SENP3: variants seen among roughly 807,000 people sequenced by gnomAD.
SENP3 encodes the protein sentrin-specific protease 3.
In SENP3, 11 loss-of-function variants were observed where a neutral mutation model predicts 66.2. That is an observed-to-expected ratio of 0.17 (90% CI 0.10 to 0.28). The LOEUF is 0.28. Among genes scored for constraint, SENP3 ranks in the 10% least tolerant of loss-of-function variants. SENP3 has a pLI of 1.00. For synonymous variants in SENP3, 292 were observed against 277.6 expected, an observed-to-expected ratio of 1.05 and a Z score of -0.52; for missense variants, 548 against 743.7, an observed-to-expected ratio of 0.74 and a Z score of 3.06.
Position 7,563,261 on chromosome 17 carries a change from G to T in SENP3, c.185G>T (p.Arg62Leu). Residue 62 changes from arginine to leucine, a missense_variant, in exon 2 of 11, where the codon CGC (arginine) becomes CTC (leucine). Around this residue, in one of 6 missense-constraint regions of SENP3, gnomAD observed 164 missense variants for 167.9 expected, o/e 0.98. Coordinates refer to ENST00000321337, the MANE Select transcript of SENP3 (RefSeq NM_015670.6). ...TCAGGGACCACAGTGCCAGCCAGAC[G>T]CCTCCCTGTCCCCCGACCCTCTTTT... ...PGSGTTVPARRLPVPRPSFDA... is the reference protein window; with the variant it reads ...PGSGTTVPARLLPVPRPSFDA... 2 of 1,556,070 alleles carry T rather than the reference G, an allele frequency of 1.3e-6. No homozygotes were observed. Among genetic ancestry groups the T allele is most frequent in the Non-Finnish European group, 1.7e-6 (2 of 1,149,586 alleles).
chr17:7,570,243 T>TTCTGTTCTTTCACTTGGTTCC lies in SENP3; in HGVS notation c.1342-112_1342-92dup. ...TTGCCCACAATCTAGGCCTTGGGTC[T>TTCTGTTCTTTCACTTGGTTCC]TCTGTTCTTTCACTTGGTTCCCTTA... On this transcript the variant is annotated intron_variant, in intron 7 of 10. Coordinates refer to ENST00000321337, the MANE Select transcript of SENP3 (RefSeq NM_015670.6). The surrounding 1 kb of genome is among the most constrained non-coding windows in gnomAD (Gnocchi z 5.4). 7.4e-7 allele frequency: 1 copy of TTCTGTTCTTTCACTTGGTTCC among 1,343,990 alleles called. No individual in the cohort carries two copies. 83.3% of individuals were successfully genotyped at this position (1,343,990 alleles called of 1,614,324 possible).
Position 7,571,914 on chromosome 17 carries a change from TATATAA to T in SENP3, c.*434_*439del, listed in dbSNP as rs2071328904. ...ATATATATATATATATATATAAAAA[TATATAA>T]ATGCCACGGTCCTGCTCTGGTCAAT... On this transcript the variant is annotated 3_prime_UTR_variant, in exon 11 of 11. Transcript: ENST00000321337. 8.4e-5 allele frequency: 3 copies of T among 35,508 alleles called. No homozygotes were observed. The highest frequency in any genetic ancestry group is 3.2e-4 in the Admixed American group (1 of 3,114). 2.2% of individuals were successfully genotyped at this position (35,508 alleles called of 1,614,324 possible). A position where few individuals can be genotyped will look rare whatever the true frequency, so the allele number is the denominator to read the frequency against.
Position 7,562,132 on chromosome 17 carries a change from C to T in SENP3, c.-143C>T. ...CACGCGGCCCAGAAGCGTTGGAATC[C>T]TGAATTGAGACGGCTGCGCCTAAAG... On this transcript the variant is annotated 5_prime_UTR_variant, in exon 1 of 11. Transcript: ENST00000321337. This position sits in a 1 kb window ranked among gnomAD's most constrained non-coding sequence, Gnocchi z 5.0. The T allele has an allele frequency of 2.5e-6, 1 of 398,390 alleles. No homozygotes were observed. Among genetic ancestry groups the T allele is most frequent in the Non-Finnish European group, 4.4e-6 (1 of 225,974 alleles). 24.7% of individuals were successfully genotyped at this position (398,390 alleles called of 1,614,324 possible).
Position 7,563,046 on chromosome 17 carries a change from C to G in SENP3, c.-11-20C>G, listed in dbSNP as rs757757365. The G allele has an allele frequency of 1.1e-4, 159 of 1,444,798 alleles. No homozygotes were observed. Among genetic ancestry groups the G allele is most frequent in the South Asian group, 1.1e-3 (67 of 62,232 alleles). 89.5% of individuals were successfully genotyped at this position (1,444,798 alleles called of 1,614,324 possible). On this transcript the variant is annotated intron_variant, in intron 1 of 10. Transcript: ENST00000321337. ...TGGGGTGATGCTTAGATTTTGATAC[C>G]CTGATCTTTTGTTTTTCAGGGTACT... is the stretch of plus-strand genomic sequence containing the variant.
Position 7,562,227 on chromosome 17 carries a change from C to A in SENP3, c.-48C>A. ...CGGGAAGCTTGAGGCCGGAGACGCC[C>A]GCCTTCGGGCCCGTCCGCCCGGCTT... On this transcript the variant is annotated 5_prime_UTR_variant, in exon 1 of 11. Coordinates refer to ENST00000321337, the MANE Select transcript of SENP3 (RefSeq NM_015670.6). This position sits in a 1 kb window ranked among gnomAD's most constrained non-coding sequence, Gnocchi z 5.0. The A allele has an allele frequency of 5.0e-6, 2 of 398,608 alleles. No homozygotes were observed. The highest frequency in any genetic ancestry group is 1.3e-4 in the South Asian group (1 of 7,960). 24.7% of individuals were successfully genotyped at this position (398,608 alleles called of 1,614,324 possible). A position where few individuals can be genotyped will look rare whatever the true frequency, so the allele number is the denominator to read the frequency against.
rs1307575669 is a variant in SENP3 at position 7,570,223 on chromosome 17, C to T, written c.1342-133C>T. ...GAAACATGCAGATCCTGAGCTTGCC[C>T]ACAATCTAGGCCTTGGGTCTTCTGT... On this transcript the variant is annotated intron_variant, in intron 7 of 10. Transcript: ENST00000321337. The surrounding 1 kb of genome is among the most constrained non-coding windows in gnomAD (Gnocchi z 5.4). The T allele has an allele frequency of 2.6e-6, 3 of 1,143,288 alleles. No individual in the cohort carries two copies. Among genetic ancestry groups the T allele is most frequent in the Non-Finnish European group, 3.7e-6 (3 of 802,778 alleles). The allele number at this position is 1,143,288 out of a possible 1,614,324, so 70.8% of individuals were successfully genotyped here. A position where few individuals can be genotyped will look rare whatever the true frequency, so the allele number is the denominator to read the frequency against.
chr17:7,568,083 G>A (rs1334760689), intron 7 of SENP3, among the ~76,000 whole-genome samples: 2 of 150,824 alleles, frequency 1.3e-5, no homozygotes, highest in East Asian at 3.9e-4. Context: ...CCAGGCTCCT[G>A]GCATTCAACT....
rs771349259 is a variant in SENP3 at position 7,563,695 on chromosome 17, G to A, written c.619G>A (p.Asp207Asn). ...TCTGCTAGGTGCTCTCATGGCTGAG[G>A]ATGGGGTGAGAGGGTCTCCACCAGT... ...LGLLGALMAE[D>N]GVRGSPPVPS... Residue 207 changes from aspartate to asparagine, a missense_variant, in exon 2 of 11, where the codon GAT (aspartate) becomes AAT (asparagine). Coordinates refer to ENST00000321337, the MANE Select transcript of SENP3 (RefSeq NM_015670.6). 3 of 1,612,922 alleles carry A rather than the reference G, an allele frequency of 1.9e-6. No homozygotes were observed. The highest frequency in any genetic ancestry group is 2.7e-5 in the African/African-American group (2 of 74,920).
chr17:7,571,071 C>CTGG, intron 10 of SENP3, 138 bp downstream of exon 10: 1 of 745,568 alleles, frequency 1.3e-6, no homozygotes. Flanking sequence ...CACCAAAACA[C>CTGG]TGGCTTCACT....
intron 7 of SENP3, among the ~76,000 whole-genome samples, chr17:7,567,923 G>C (rs2071280578): frequency 1.3e-5 from 2 of 152,184 alleles, no homozygotes; most frequent in East Asian, 3.9e-4. Context: ...ATGGAAGCAG[G>C]AACAGAGCAC....
intron 7 of SENP3, among the ~76,000 whole-genome samples, chr17:7,569,510 G>T (rs1045018992): frequency 1.3e-5 from 2 of 152,098 alleles, no homozygotes; most frequent in Admixed American, 6.5e-5. Flanking sequence ...GAACAGGTTG[G>T]GGGAGGAAAA....
At chr17:7,569,938 G>A (rs1465920323) in intron 7 of SENP3, among the ~76,000 whole-genome samples, 1 of 152,136 alleles carries the variant, frequency 6.6e-6, no homozygotes, top group East Asian at 1.9e-4. Context: ...ATGAGGTGTA[G>A]GTACTACTAT....
At position 7,564,997 on chromosome 17, in the gene SENP3, A is replaced by G. The variant is rs751317153; in HGVS notation, c.994A>G (p.Ile332Val). ...ATTCCTTCAAACGTATGGCAGCCTC[A>G]TACCCCTCAGCACTGATGAGGTAGT... ...DEFLQTYGSL[I>V]PLSTDEVVEK... The change falls in exon 4 of 11, where the codon ATA (isoleucine) becomes GTA (valine). Residue 332 changes from isoleucine to valine, a missense_variant. This residue lies in a region of SENP3 where 72 missense variants were observed against 137.9 expected (regional missense o/e 0.52). Transcript: ENST00000321337. 4 of 1,613,358 alleles carry G rather than the reference A, an allele frequency of 2.5e-6. No individual in the cohort carries two copies. The highest frequency in any genetic ancestry group is 3.3e-5 in the Admixed American group (2 of 60,016).
In SENP3 at chr17:7,563,055, T is replaced by C; in HGVS notation, c.-11-11T>C. ...GCTTAGATTTTGATACCCTGATCTT[T>C]TGTTTTTCAGGGTACTGGAAGATGA... On this transcript the variant is annotated splice_polypyrimidine_tract_variant and intron_variant, in intron 1 of 10. Coordinates refer to ENST00000321337, the MANE Select transcript of SENP3 (RefSeq NM_015670.6). The C allele has an allele frequency of 6.9e-7, 1 of 1,455,398 alleles. No homozygotes were observed. Among genetic ancestry groups the C allele is most frequent in the Non-Finnish European group, 9.1e-7 (1 of 1,104,688 alleles). 90.2% of individuals were successfully genotyped at this position (1,455,398 alleles called of 1,614,324 possible).
Position 7,563,316 on chromosome 17 carries a change from A to AGAGGAGGAG in SENP3, c.249_257dup (p.Glu83_Glu85dup). The AGAGGAGGAG allele has an allele frequency of 6.4e-7, 1 of 1,552,704 alleles. No homozygotes were observed. The highest frequency in any genetic ancestry group is 1.7e-4 in the Middle Eastern group (1 of 5,998). ...CCTCAGCAAGTGAAGAGGAGGAAGA[A>AGAGGAGGAG]GAGGAGGAGGAGGAGGATGAAGATG... On this transcript the variant is annotated inframe_insertion, in exon 2 of 11. Transcript: ENST00000321337.
chr17:7,565,549 T>C lies in SENP3; in HGVS notation c.1177T>C (p.Leu393=), dbSNP rs2071260936. The C allele has an allele frequency of 1.2e-6, 2 of 1,613,794 alleles. No individual in the cohort carries two copies. The highest frequency in any genetic ancestry group is 1.7e-6 in the Non-Finnish European group (2 of 1,179,870). Residue 393 remains leucine, a synonymous_variant, in exon 5 of 11, where the codon TTG becomes CTG. Transcript: ENST00000321337. ...GCGGCACGTGCTGACCATGGATGAC[T>C]TGGGGACCTTGTATGGACAGAACTG... ...YKRHVLTMDD[L]GTLYGQNWLN... is the part of the protein sequence containing the mutation.
rs2071216977 is a variant in SENP3 at position 7,561,944 on chromosome 17, C to T, written c.-331C>T. 3 of 391,092 alleles carry T rather than the reference C, an allele frequency of 7.7e-6. No homozygotes were observed. The highest frequency in any genetic ancestry group is 1.4e-5 in the Non-Finnish European group (3 of 220,784). The allele number at this position is 391,092 out of a possible 1,614,324, so 24.2% of individuals were successfully genotyped here. A position where few individuals can be genotyped will look rare whatever the true frequency, so the allele number is the denominator to read the frequency against. ...GTGACGTACTAATCGTGCGCCACCG[C>T]TGCCGGTGGGCCCGGGGCTCGCGGG... On this transcript the variant is annotated 5_prime_UTR_variant, in exon 1 of 11. Transcript: ENST00000321337. This position sits in a 1 kb window ranked among gnomAD's most constrained non-coding sequence, Gnocchi z 4.4.
intron 6 of SENP3, 72 bp downstream of exon 6, chr17:7,565,836 A>C: frequency 7.5e-7 from 1 of 1,332,910 alleles, no homozygotes. Context: ...AGCTCCTTTC[A>C]TCTCTTTCAT....
At position 7,562,374 on chromosome 17, in the gene SENP3, C is replaced by T. The variant is rs986286257; in HGVS notation, c.-12+111C>T. On this transcript the variant is annotated intron_variant, in intron 1 of 10. Coordinates refer to ENST00000321337, the MANE Select transcript of SENP3 (RefSeq NM_015670.6). The surrounding 1 kb of genome is among the most constrained non-coding windows in gnomAD (Gnocchi z 5.0). ...GCCCGCATAGGGGCTTCTTAAGGCCCGTGTGCGCCGAGCCATCCAAGCTCG... is the reference window on the plus strand; with the variant it reads ...GCCCGCATAGGGGCTTCTTAAGGCCTGTGTGCGCCGAGCCATCCAAGCTCG... The T allele has an allele frequency of 1.3e-5, 5 of 395,574 alleles. No individual in the cohort carries two copies. The highest frequency in any genetic ancestry group is 4.4e-5 in the Admixed American group (1 of 22,628). The allele number at this position is 395,574 out of a possible 1,614,324, so 24.5% of individuals were successfully genotyped here. A position where few individuals can be genotyped will look rare whatever the true frequency, so the allele number is the denominator to read the frequency against.
Sources: allele counts gnomAD v4.1 joint callset (sites outside exome capture counted in the v4.1 genomes callset), GRCh38; gene constraint gnomAD v4.1.1; regional missense constraint gnomAD v4.1.1; non-coding constraint Gnocchi (gnomAD v3.1); transcripts MANE v1.5; gene names NCBI Gene and HGNC (gene_info 2026-07-23, HGNC 2026-07-21).